Variants in SENP7 observed in about 807,000 individuals in gnomAD.
SENP7 encodes sentrin-specific protease 7.
In SENP7, 64 loss-of-function variants were observed where a neutral mutation model predicts 141.2. The ratio of observed to expected loss-of-function variants is 0.45; its 90% confidence interval spans 0.37 to 0.56. The LOEUF is 0.56. SENP7 is among the 20% of genes least tolerant of loss of function. The pLI is 0.00. For synonymous variants in SENP7, 382 were observed against 426.4 expected, an observed-to-expected ratio of 0.90 and a Z score of 1.28; for missense variants, 1,025 against 1,212.2, an observed-to-expected ratio of 0.85 and a Z score of 2.29.
At chr3:101,505,141 T>C (rs1272575648) in intron 1 of SENP7, among the ~76,000 whole-genome samples, 1 of 152,134 alleles carries the variant, frequency 6.6e-6, no homozygotes, top group East Asian at 1.9e-4. Context: ...AGGGGCTAAA[T>C]AATGTGTATA....
At position 101,399,069 on chromosome 3, in the gene SENP7, T is replaced by A. The variant is rs2061056508; in HGVS notation, c.483-14A>T. On this transcript the variant is annotated splice_polypyrimidine_tract_variant and intron_variant, in intron 5 of 23. Coordinates refer to ENST00000394095, the MANE Select transcript of SENP7 (RefSeq NM_020654.5). ...ACTCTGGGTATCCTGTCACATAGAA[T>A]AACAAACACTGTACTGTACTGAAGT... 6.3e-7 allele frequency: 1 copy of A among 1,585,038 alleles called. No individual in the cohort carries two copies. The highest frequency in any genetic ancestry group is 1.4e-5 in the African/African-American group (1 of 74,016).
intron 9 of SENP7, 54 bp downstream of exon 9, chr3:101,366,375 AT>A (rs2060038140): frequency 3.8e-6 from 5 of 1,308,158 alleles, no homozygotes; most frequent in African/African-American, 3.0e-5. Flanking sequence ...GAATAAAAAA[AT>A]AACTAAGTAA....
chr3:101,372,058 C>T lies in SENP7; in HGVS notation c.746G>A (p.Arg249Gln), dbSNP rs774738588. 1.7e-5 allele frequency: 27 copies of T among 1,566,712 alleles called. 1 individual carries two copies. Among genetic ancestry groups the T allele is most frequent in the African/African-American group, 6.7e-5 (5 of 74,380 alleles). The change falls in exon 7 of 24, where the codon CGA (arginine) becomes CAA (glutamine). Residue 249 changes from arginine (R) to glutamine (Q), a missense_variant. Arg to Gln is a conservative substitution (Grantham distance 43). Around this residue, in one of 4 missense-constraint regions of SENP7, gnomAD observed 496 missense variants for 503.5 expected, o/e 0.99. Transcript: ENST00000394095. Reference protein sequence around the residue: ...AKQTAHNKEKRRKDDGISLLI... With the variant: ...AKQTAHNKEKQRKDDGISLLI... ...AAGAGAAATGCCATCATCCTTTCTT[C>T]GTTTTTCTTTATTGTGCGCAGTCTG...
At chr3:101,330,209 GA>G (rs2059012348) in intron 20 of SENP7, 124 bp downstream of exon 20, 1 of 576,564 alleles carries the variant, frequency 1.7e-6, no homozygotes, top group Non-Finnish European at 3.0e-6. Context: ...AACTGTCAAA[GA>G]ATCACAAAGC....
At chr3:101,331,211 G>A (rs1373606022) in intron 19 of SENP7, among the ~76,000 whole-genome samples, 1 of 151,922 alleles carries the variant, frequency 6.6e-6, no homozygotes, top group Non-Finnish European at 1.5e-5. Flanking sequence ...CAGGTGTGGT[G>A]GCTCATGCCT....
chr3:101,447,587 TAA>T (rs1285370008), intron 4 of SENP7, among the ~76,000 whole-genome samples: 9 of 152,150 alleles, frequency 5.9e-5, no homozygotes, highest in Middle Eastern at 3.4e-3. Flanking sequence ...AAAAAAATTG[TAA>T]AGGACATAAA....
At chr3:101,414,194 C>A (rs571231513) in intron 5 of SENP7, 44 of 573,708 alleles carry the variant, frequency 7.7e-5, no homozygotes, top group East Asian at 6.5e-4. Flanking sequence ...TATATGGCCG[C>A]ACAGCATGGG....
Position 101,325,995 on chromosome 3 carries a change from C to T in SENP7, c.3101G>A (p.Arg1034Gln), listed in dbSNP as rs763407658. The T allele has an allele frequency of 6.2e-7, 1 of 1,611,008 alleles. No individual in the cohort carries two copies. The highest frequency in any genetic ancestry group is 8.5e-7 in the Non-Finnish European group (1 of 1,178,374). Residue 1034 changes from arginine (R) to glutamine (Q), a missense_variant, in exon 24 of 24, where the codon CGA becomes CAA. Transcript: ENST00000394095. ...TAAATGAAGTTTCAAGATGAGCTCT[C>T]GAATATCTTCCCGTTTGGTCTTTAT... ...HVIKTKREDI[R>Q]ELILKLHLQQ... is the part of the protein sequence containing the mutation.
At chr3:101,512,298 CT>C (rs1033214790) in intron 1 of SENP7, among the ~76,000 whole-genome samples, 2 of 152,186 alleles carry the variant, frequency 1.3e-5, no homozygotes, top group Non-Finnish European at 2.9e-5. Flanking sequence ...TGAGGACCCC[CT>C]AATGGATGAA....
In SENP7 at chr3:101,348,799, TA is replaced by T. The variant is rs74452488; in HGVS notation, c.1658-749del. On this transcript the variant is annotated intron_variant, in intron 12 of 23. Coordinates refer to ENST00000394095, the MANE Select transcript of SENP7 (RefSeq NM_020654.5). ...TTTACTCTTTAATTCAAAGAAACAT[TA>T]AAAAAAAAAAAACTGATTTAAAGAA... 7.5e-3 allele frequency among the ~76,000 whole-genome samples: 1,076 copies of T among 143,472 alleles called. 12 individuals carry two copies. Among genetic ancestry groups the T allele is most frequent in the African/African-American group, 0.025 (977 of 39,358 alleles). 94.1% of individuals were successfully genotyped at this position (143,472 alleles called of 152,430 possible).
Position 101,446,875 on chromosome 3 carries a change from A to G in SENP7, c.284+12080T>C, listed in dbSNP as rs192795338. Among the ~76,000 whole-genome samples the G allele has an allele frequency of 2.0e-5, 3 of 152,290 alleles. No individual in the cohort carries two copies. The East Asian group carries it at 5.8e-4, about 29-fold the overall frequency. On this transcript the variant is annotated intron_variant, in intron 4 of 23. Transcript: ENST00000394095. ...ATGGACTAGAAAAGCAAGAACAAAC[A>G]TAACGAGAATTAGTAGGAGGAAAGA...
intron 4 of SENP7, among the ~76,000 whole-genome samples, chr3:101,425,765 A>G (rs1400161996): frequency 6.6e-6 from 1 of 152,256 alleles, no homozygotes; most frequent in Non-Finnish European, 1.5e-5. Flanking sequence ...TAAGAATCAC[A>G]ATAAAAAAAT....
intron 22 of SENP7, 143 bp downstream of exon 22, chr3:101,328,332 TTTA>T (rs1464342929): frequency 7.0e-6 from 4 of 572,022 alleles, no homozygotes; most frequent in East Asian, 2.9e-5. Flanking sequence ...ATAGAAGATA[TTTA>T]TTATTGATTA....
At chr3:101,457,988 C>G (rs1480621541) in intron 4 of SENP7, among the ~76,000 whole-genome samples, 1 of 152,202 alleles carries the variant, frequency 6.6e-6, no homozygotes, top group Non-Finnish European at 1.5e-5. Flanking sequence ...TTCTAGCATT[C>G]CATCTCTCAA....
At chr3:101,402,131 C>G (rs2061162719) in intron 5 of SENP7, among the ~76,000 whole-genome samples, 1 of 151,932 alleles carries the variant, frequency 6.6e-6, no homozygotes, top group Admixed American at 6.6e-5. Flanking sequence ...CTACACTAAA[C>G]AACAGATTTT....
chr3:101,438,295 C>T (rs546472791), intron 4 of SENP7, among the ~76,000 whole-genome samples: 1 of 152,136 alleles, frequency 6.6e-6, no homozygotes, highest in African/African-American at 2.4e-5. Flanking sequence ...CATGAATGAA[C>T]CTTGAGGACA....
rs573467395 is a variant in SENP7 at position 101,438,226 on chromosome 3, TA to T, written c.285-20437del. Reference sequence around the variant, plus strand: ...AAATATAGAAACAAAATGTGGCATGTAAATACAATGGAAAATTATTCACCTT... The same window carrying T: ...AAATATAGAAACAAAATGTGGCATGTAATACAATGGAAAATTATTCACCTT... On this transcript the variant is annotated intron_variant, in intron 4 of 23. Coordinates refer to ENST00000394095, the MANE Select transcript of SENP7 (RefSeq NM_020654.5). 4.6e-5 allele frequency among the ~76,000 whole-genome samples: 7 copies of T among 152,328 alleles called. No individual in the cohort carries two copies. The South Asian group carries it at 1.0e-3, about 23-fold the overall frequency.
chr3:101,398,786 A>G, intron 6 of SENP7, 75 bp downstream of exon 6: 1 of 1,069,520 alleles, frequency 9.3e-7, no homozygotes, highest in South Asian at 1.9e-5. Context: ...GCAATAATGT[A>G]TCTGTGAAAA....
At chr3:101,443,019 C>A (rs6806203) in intron 4 of SENP7, among the ~76,000 whole-genome samples, 3 of 151,970 alleles carry the variant, frequency 2.0e-5, no homozygotes, top group Admixed American at 6.6e-5. Context: ...CACGAAGTCC[C>A]TGCCCATGCC....
Sources: gnomAD v4.1 joint callset for allele counts (sites outside exome capture counted in the v4.1 genomes callset) on GRCh38, gnomAD v4.1.1 for gene constraint, gnomAD v4.1.1 regional missense constraint, MANE v1.5 for transcripts, NCBI Gene and HGNC (gene_info 2026-07-23, HGNC 2026-07-21) for gene names.